The following MATR3 variants were observed in gnomAD, a reference collection of about 807,000 sequenced individuals.
MATR3 encodes the protein matrin-3.
Under a neutral mutation model 85.5 loss-of-function variants are expected in MATR3, and 4 were observed. The observed-to-expected ratio is 0.05, with a 90% CI of 0.02 to 0.11. The LOEUF is 0.11. Among genes scored for constraint, MATR3 ranks in the 10% least tolerant of loss-of-function variants. MATR3 has a pLI of 1.00. For synonymous variants in MATR3, 336 were observed against 343.1 expected (o/e 0.98, Z 0.23); for missense variants, 685 against 1,016.1 (o/e 0.67, Z 4.43).
chr5:139,314,147 T>C (rs1463832414), intron 2 of MATR3: 4 of 158,714 alleles, frequency 2.5e-5, no homozygotes, highest in Non-Finnish European at 5.6e-5. Flanking sequence ...AAACTCCTGG[T>C]CTCAAATGAT....
chr5:139,315,290 ACT>A, intron 3 of MATR3: 1 of 218,062 alleles, frequency 4.6e-6, no homozygotes, highest in South Asian at 6.8e-5. Context: ...CATATGCCTA[ACT>A]CTGTTGGGGC....
At chr5:139,308,426 G>T in intron 2 of MATR3, 99 bp downstream of exon 2, 1 of 1,434,182 alleles carries the variant, frequency 7.0e-7, no homozygotes, top group South Asian at 1.2e-5. Flanking sequence ...ACATTGAGTT[G>T]ATCAAGCATT....
chr5:139,320,210 G>C (rs1390206326), intron 9 of MATR3, among the ~76,000 whole-genome samples: 2 of 151,792 alleles, frequency 1.3e-5, no homozygotes, highest in African/African-American at 4.8e-5. Context: ...TGGGGAGGCT[G>C]AGGCAGGAGA....
rs188905656 is a variant in MATR3, at chr5:139,317,048, T to A, written c.1130-5T>A. 5.6e-5 allele frequency: 91 copies of A among 1,613,944 alleles called. No homozygotes were observed. In the African/African-American group the frequency reaches 1.0e-3, roughly 18 times the overall value. ...CAAGACTGAAAACTTTCTCTTCCCA[T>A]AAAGGTGCTGGAAATGGAAACCTGC... On this transcript the variant is annotated splice_region_variant and splice_polypyrimidine_tract_variant and intron_variant, in intron 5 of 14. Transcript: ENST00000394805.
intron 2 of MATR3, chr5:139,278,665 G>A (rs982269090): frequency 6.9e-5 from 27 of 392,688 alleles, no homozygotes; most frequent in African/African-American, 5.1e-4. Flanking sequence ...TTTGACAACA[G>A]GGTCTGCAAT....
In MATR3 at chr5:139,322,850, C is replaced by G. The variant is rs557085910; in HGVS notation, c.2031C>G (p.Asp677Glu). The G allele has an allele frequency of 5.6e-6, 9 of 1,613,896 alleles. No individual in the cohort carries two copies. Among genetic ancestry groups the G allele is most frequent in the South Asian group, 5.5e-5 (5 of 91,078 alleles). ...ALLESGSSVGDETDLANLGDV... is the reference protein window; with the variant it reads ...ALLESGSSVGEETDLANLGDV... Reference sequence around the variant, plus strand: ...TAGAAAGTGGCAGTTCAGTGGGAGACGAGACCGATCTTGCTAATTTAGGTG... The same window carrying G: ...TAGAAAGTGGCAGTTCAGTGGGAGAGGAGACCGATCTTGCTAATTTAGGTG... Residue 677 changes from aspartate (D) to glutamate (E), a missense_variant, in exon 12 of 15, where the codon GAC becomes GAG. By Grantham distance (45) the Asp-to-Glu change is conservative. Around this residue, in one of 9 missense-constraint regions of MATR3, gnomAD observed 215 missense variants for 194.7 expected, o/e 1.10. Transcript: ENST00000394805.
rs1225119711 is a variant in MATR3 at position 139,330,759 on chromosome 5, C to T, written c.*1364C>T. 2 of 454,078 alleles carry T rather than the reference C, an allele frequency of 4.4e-6. No individual in the cohort carries two copies. The highest frequency in any genetic ancestry group is 2.3e-5 in the Admixed American group (1 of 42,568). The allele number at this position is 454,078 out of a possible 1,614,324, so 28.1% of individuals were successfully genotyped here. On this transcript the variant is annotated 3_prime_UTR_variant, in exon 15 of 15. Coordinates refer to ENST00000394805, the MANE Select transcript of MATR3 (RefSeq NM_018834.6). Reference sequence around the variant, plus strand: ...GTTCTGCAGCTTTTCAAAATAATTACGTAGAGACTCTTGGTATATTGGATT... The same window carrying T: ...GTTCTGCAGCTTTTCAAAATAATTATGTAGAGACTCTTGGTATATTGGATT...
chr5:139,331,521 A>C lies in MATR3; in HGVS notation c.*2126A>C. The C allele has an allele frequency of 2.2e-6, 1 of 454,132 alleles. No individual in the cohort carries two copies. The highest frequency in any genetic ancestry group is 1.6e-5 in the South Asian group (1 of 64,482). The allele number at this position is 454,132 out of a possible 1,614,324, so 28.1% of individuals were successfully genotyped here. On this transcript the variant is annotated 3_prime_UTR_variant, in exon 15 of 15. Coordinates refer to ENST00000394805, the MANE Select transcript of MATR3 (RefSeq NM_018834.6). ...ATAAGCTGTTAGTGATAAATCTGTA[A>C]CAGCCCTTCGATTACGAGAAAACCT... is the stretch of plus-strand genomic sequence containing the variant.
chr5:139,305,993 A>G (rs1268396629), intron 1 of MATR3, among the ~76,000 whole-genome samples: 2 of 152,164 alleles, frequency 1.3e-5, no homozygotes, highest in African/African-American at 4.8e-5. Context: ...TTACTGTTAA[A>G]GTTTCACATA....
rs1356803915 is a variant in MATR3, at chr5:139,325,611, A to G, written c.2320A>G (p.Thr774Ala). Residue 774 changes from threonine (T) to alanine (A), a missense_variant, in exon 13 of 15, where the codon ACA becomes GCA. Around this residue, in one of 9 missense-constraint regions of MATR3, gnomAD observed 215 missense variants for 194.7 expected, o/e 1.10. Transcript: ENST00000394805. ...AAGTGATGAGAACAAGGACGACTAT[A>G]CAATCCCAGATGAGTATAGAATTGG... is the stretch of plus-strand genomic sequence containing the variant. ...GQSDENKDDY[T>A]IPDEYRIGPY... The G allele has an allele frequency of 2.5e-6, 4 of 1,614,230 alleles. No individual in the cohort carries two copies. The highest frequency in any genetic ancestry group is 2.5e-6 in the Non-Finnish European group (3 of 1,180,042).
rs1252808150 is a variant in MATR3, at chr5:139,323,117, ACT to A, written c.2148+153_2148+154del. The A allele has an allele frequency of 2.4e-5, 20 of 833,650 alleles. No individual in the cohort carries two copies. In the African/African-American group the frequency reaches 2.8e-4, roughly 12 times the overall value. 51.6% of individuals were successfully genotyped at this position (833,650 alleles called of 1,614,324 possible). ...CCAGAATATAAACATTTAAATCTAA[ACT>A]CTGCAATAAATAATTAAATAAGACA... On this transcript the variant is annotated intron_variant, in intron 12 of 14. Transcript: ENST00000394805.
chr5:139,305,731 G>C (rs2151955376), intron 1 of MATR3, among the ~76,000 whole-genome samples: 1 of 152,146 alleles, frequency 6.6e-6, no homozygotes, highest in East Asian at 1.9e-4. Flanking sequence ...TTTCTTTGGT[G>C]TATTTTCTCA....
intron 3 of MATR3, among the ~76,000 whole-genome samples, chr5:139,284,424 A>C: frequency 6.6e-6 from 1 of 152,138 alleles, no homozygotes; most frequent in South Asian, 2.1e-4. Context: ...CAACATGGTG[A>C]AACCCCGTCT....
chr5:139,291,937 CCTTTTT>C (rs1190914658), upstream of MATR3: 2 of 133,564 alleles, frequency 1.5e-5, no homozygotes, highest in Admixed American at 8.2e-5. Flanking sequence ...AATTACATAA[CCTTTTT>C]TTTTTTTTTT....
intron 1 of MATR3, among the ~76,000 whole-genome samples, chr5:139,296,201 T>A (rs887939234): frequency 1.3e-5 from 2 of 152,096 alleles, no homozygotes; most frequent in Non-Finnish European, 2.9e-5. Context: ...TTTTTAAAAT[T>A]AAATATTCAA....
chr5:139,318,812 T>A, intron 7 of MATR3, 96 bp from the exon 8 acceptor site: 2 of 1,092,254 alleles, frequency 1.8e-6, no homozygotes, highest in Non-Finnish European at 2.8e-6. Context: ...CTGAAAAGAT[T>A]TGGGGCATTG....
Position 139,319,360 on chromosome 5 carries a change from G to A in MATR3, c.1461G>A (p.Lys487=). The A allele has an allele frequency of 1.2e-6, 2 of 1,614,128 alleles. No individual in the cohort carries two copies. Among genetic ancestry groups the A allele is most frequent in the Non-Finnish European group, 1.7e-6 (2 of 1,180,024 alleles). The part of the protein sequence containing the change: ...IKKPEGKPDQ[K]FDQKQELGRV... ...AACCTGAAGGAAAGCCAGATCAGAA[G>A]TTTGATCAAAAGCAAGAGCTTGGAC... Residue 487 remains lysine, a synonymous_variant, in exon 9 of 15, where the codon AAG becomes AAA. Transcript: ENST00000394805.
At chr5:139,325,140 C>G (rs1200812774) in intron 12 of MATR3, among the ~76,000 whole-genome samples, 2 of 152,076 alleles carry the variant, frequency 1.3e-5, no homozygotes, top group South Asian at 2.1e-4. Context: ...TTGCAGTGAG[C>G]CGAGATCGCG....
chr5:139,301,116 A>C (rs1415123087), intron 1 of MATR3, among the ~76,000 whole-genome samples: 1 of 151,952 alleles, frequency 6.6e-6, no homozygotes, highest in Non-Finnish European at 1.5e-5. Context: ...TGCCTGGCCT[A>C]ATTTATCGAG....
Sources: gnomAD v4.1 joint callset for allele counts (sites outside exome capture counted in the v4.1 genomes callset) on GRCh38, gnomAD v4.1.1 for gene constraint, gnomAD v4.1.1 regional missense constraint, MANE v1.5 for transcripts, NCBI Gene and HGNC (gene_info 2026-07-23, HGNC 2026-07-21) for gene names.